The following HS6ST3 variants were observed in gnomAD, a reference collection of about 807,000 sequenced individuals.
The protein encoded by HS6ST3 is heparan-sulfate 6-O-sulfotransferase 3.
In HS6ST3, 12 loss-of-function variants were observed where a neutral mutation model predicts 36.7. That is an observed-to-expected ratio of 0.33 (90% CI 0.21 to 0.53). The LOEUF is 0.53. Among genes scored for constraint, HS6ST3 ranks in the 20% least tolerant of loss-of-function variants. The probability of loss-of-function intolerance (pLI) is 0.95; values close to 1 mark genes in which losing one functional copy is unlikely to be tolerated. For missense variants in HS6ST3, 584 were observed against 640.9 expected (o/e 0.91, Z 0.96); for synonymous variants, 240 against 257.5 (o/e 0.93, Z 0.65).
At position 96,466,438 on chromosome 13, in the gene HS6ST3, C is replaced by T. The variant is rs181040784; in HGVS notation, c.708-366052C>T. 7.4e-4 allele frequency among the ~76,000 whole-genome samples: 112 copies of T among 152,226 alleles called. 1 individual carries two copies. In the Middle Eastern group the frequency reaches 0.01, roughly 14 times the overall value. The stretch of plus-strand genomic sequence containing the variant: ...TTTGACAAACGTCTCTCCATTGCCC[C>T]CTCCATCTACCTGCTGTCCCACCCC... On this transcript the variant is annotated intron_variant, in intron 1 of 1. Transcript: ENST00000376705.
chr13:96,519,124 C>A (rs1216105630), intron 1 of HS6ST3, among the ~76,000 whole-genome samples: 1 of 152,158 alleles, frequency 6.6e-6, no homozygotes, highest in Non-Finnish European at 1.5e-5. Flanking sequence ...AGTTCATTCT[C>A]TTTGCTTTCA....
At chr13:96,670,603 G>T (rs2056679763) in intron 1 of HS6ST3, among the ~76,000 whole-genome samples, 1 of 152,132 alleles carries the variant, frequency 6.6e-6, no homozygotes, top group Non-Finnish European at 1.5e-5. Context: ...GATTCATCCA[G>T]GGAGAGTTCA....
At chr13:96,180,666 G>T (rs1207694335) in intron 1 of HS6ST3, among the ~76,000 whole-genome samples, 1 of 152,192 alleles carries the variant, frequency 6.6e-6, no homozygotes, top group East Asian at 1.9e-4. Context: ...TGAGGCAAGT[G>T]TTGTATATGG....
Position 96,738,402 on chromosome 13 carries a change from A to G in HS6ST3, c.708-94088A>G, listed in dbSNP as rs182401133. On this transcript the variant is annotated intron_variant, in intron 1 of 1. Coordinates refer to ENST00000376705, the MANE Select transcript of HS6ST3 (RefSeq NM_153456.4). ...TTGAGCTGGTTAAAGAAATTCTGATAAAATGGAATATACTGCCATCGATGA... is the reference window on the plus strand; with the variant it reads ...TTGAGCTGGTTAAAGAAATTCTGATGAAATGGAATATACTGCCATCGATGA... Among the ~76,000 whole-genome samples, 598 of 151,428 alleles carry G rather than the reference A, an allele frequency of 3.9e-3. 10 individuals carry two copies. The highest frequency in any genetic ancestry group is 8.5e-3 in the South Asian group (41 of 4,810).
At chr13:96,311,671 G>T (rs1207031683) in intron 1 of HS6ST3, among the ~76,000 whole-genome samples, 1 of 152,160 alleles carries the variant, frequency 6.6e-6, no homozygotes, top group Non-Finnish European at 1.5e-5. Flanking sequence ...GTCACATATT[G>T]GAGGTGGATG....
Position 96,474,594 on chromosome 13 carries a change from A to T in HS6ST3, c.708-357896A>T, listed in dbSNP as rs576017383. Among the ~76,000 whole-genome samples the T allele has an allele frequency of 3.6e-4, 50 of 140,648 alleles. 2 individuals carry two copies. In the Middle Eastern group the frequency reaches 0.044, roughly 123 times the overall value. 92.3% of individuals were successfully genotyped at this position (140,648 alleles called of 152,430 possible). Reference sequence around the variant, plus strand: ...AAAATATAGCATTTGCTATACAGTAATAAGAGTTTAATGTAATACGTTAAT... The same window carrying T: ...AAAATATAGCATTTGCTATACAGTATTAAGAGTTTAATGTAATACGTTAAT... On this transcript the variant is annotated intron_variant, in intron 1 of 1. Coordinates refer to ENST00000376705, the MANE Select transcript of HS6ST3 (RefSeq NM_153456.4).
intron 1 of HS6ST3, among the ~76,000 whole-genome samples, chr13:96,355,658 A>C (rs2055206779): frequency 6.6e-6 from 1 of 152,186 alleles, no homozygotes; most frequent in Admixed American, 6.5e-5. Flanking sequence ...TCCATGAGTC[A>C]TAATTGTTTT....
chr13:96,094,606 A>C (rs964999073), intron 1 of HS6ST3, among the ~76,000 whole-genome samples: 38 of 152,210 alleles, frequency 2.5e-4, no homozygotes, highest in Non-Finnish European at 7.4e-5. Flanking sequence ...CACAAAAACT[A>C]TCTGGAATGG....
At chr13:96,796,966 T>C (rs1406791660) in intron 1 of HS6ST3, among the ~76,000 whole-genome samples, 1 of 152,012 alleles carries the variant, frequency 6.6e-6, no homozygotes, top group Non-Finnish European at 1.5e-5. Context: ...TGACTACCAC[T>C]TGCCAGGCAT....
chr13:96,246,582 T>C (rs1009641606), intron 1 of HS6ST3, among the ~76,000 whole-genome samples: 2 of 152,172 alleles, frequency 1.3e-5, no homozygotes, highest in African/African-American at 4.8e-5. Flanking sequence ...AAATATAGAC[T>C]TGATTGAAAT....
At chr13:96,195,432 A>G (rs774467920) in intron 1 of HS6ST3, among the ~76,000 whole-genome samples, 17 of 152,216 alleles carry the variant, frequency 1.1e-4, no homozygotes, top group Admixed American at 1.3e-4. Context: ...ATCTCTGTGC[A>G]TAAGTGCGGT....
chr13:96,332,785 T>C (rs904872700), intron 1 of HS6ST3, among the ~76,000 whole-genome samples: 2 of 152,270 alleles, frequency 1.3e-5, no homozygotes, highest in Admixed American at 6.5e-5. Context: ...TATTTATATG[T>C]TCATCAGAAA....
intron 1 of HS6ST3, among the ~76,000 whole-genome samples, chr13:96,244,267 T>A (rs7330076): frequency 0.4 from 60,249 of 151,952 alleles, 12,309 homozygotes; most frequent in Non-Finnish European, 0.46. Flanking sequence ...TGAGATTAGA[T>A]AATCTCACAG....
At chr13:96,259,054 A>G (rs2054651599) in intron 1 of HS6ST3, among the ~76,000 whole-genome samples, 1 of 152,172 alleles carries the variant, frequency 6.6e-6, no homozygotes. Flanking sequence ...AGGGAATTAC[A>G]TATGCAGGAA....
At chr13:96,228,794 G>A (rs912129199) in intron 1 of HS6ST3, among the ~76,000 whole-genome samples, 3 of 152,056 alleles carry the variant, frequency 2.0e-5, no homozygotes, top group African/African-American at 7.2e-5. Context: ...ACATAAAAAC[G>A]GATCAATGTA....
chr13:96,193,522 C>A (rs182325638), intron 1 of HS6ST3, among the ~76,000 whole-genome samples: 3 of 152,012 alleles, frequency 2.0e-5, no homozygotes, highest in African/African-American at 7.3e-5. Flanking sequence ...AAAAAAATGC[C>A]GGACTCTCAG....
intron 1 of HS6ST3, among the ~76,000 whole-genome samples, chr13:96,756,078 T>G (rs1876822935): frequency 6.6e-6 from 1 of 152,200 alleles, no homozygotes; most frequent in African/African-American, 2.4e-5. Flanking sequence ...TTTTGAGTGA[T>G]GTTGAACACA....
intron 1 of HS6ST3, among the ~76,000 whole-genome samples, chr13:96,796,109 C>T (rs990259213): frequency 3.9e-5 from 6 of 152,048 alleles, no homozygotes; most frequent in African/African-American, 7.2e-5. Flanking sequence ...TTATGATTCA[C>T]GGGTTTTAAG....
intron 1 of HS6ST3, among the ~76,000 whole-genome samples, chr13:96,178,621 A>G (rs1280720520): frequency 3.9e-5 from 6 of 152,164 alleles, no homozygotes; most frequent in Non-Finnish European, 8.8e-5. Flanking sequence ...CCTGATTACC[A>G]TTCTGTGGTG....
Sources: allele counts gnomAD v4.1 joint callset (sites outside exome capture counted in the v4.1 genomes callset), GRCh38; gene constraint gnomAD v4.1.1; transcripts MANE v1.5; gene names NCBI Gene and HGNC (gene_info 2026-07-23, HGNC 2026-07-21).